The following STEAP1B variants were observed in gnomAD, a reference collection of about 807,000 sequenced individuals.
STEAP1B encodes STEAP family protein MGC87042.
STEAP1B carries 13 observed loss-of-function variants against 27.9 expected under a neutral mutation model. The ratio of observed to expected loss-of-function variants is 0.47; its 90% CI spans 0.30 to 0.74. STEAP1B has a LOEUF of 0.74. STEAP1B is among the 30% of genes least tolerant of loss of function. The pLI, the probability that STEAP1B is intolerant of heterozygous loss-of-function variation, is 0.06. For synonymous variants in STEAP1B, 86 were observed against 107.1 expected (o/e 0.80, Z 1.22); for missense variants, 250 against 298.7 (o/e 0.84, Z 1.20).
intron 4 of STEAP1B, among the ~76,000 whole-genome samples, chr7:22,477,201 C>T (rs1341146913): frequency 6.6e-6 from 1 of 152,196 alleles, no homozygotes; most frequent in Non-Finnish European, 1.5e-5. Context: ...AAGGGGGTGA[C>T]CCATTGGGTC....
intron 4 of STEAP1B, among the ~76,000 whole-genome samples, chr7:22,480,973 G>A (rs1562582313): frequency 1.3e-5 from 2 of 152,200 alleles, no homozygotes; most frequent in African/African-American, 4.8e-5. Flanking sequence ...CTGAGGTTAT[G>A]TTCATAATGG....
chr7:22,488,277 G>C (rs763605831), intron 4 of STEAP1B, among the ~76,000 whole-genome samples: 1 of 152,196 alleles, frequency 6.6e-6, no homozygotes, highest in Non-Finnish European at 1.5e-5. Flanking sequence ...TGTGGCAGAG[G>C]ATACCTTCCC....
rs548325655 is a variant in STEAP1B at position 22,435,579 on chromosome 7, C to T, written c.763-15743G>A. Among the ~76,000 whole-genome samples the T allele has an allele frequency of 2.0e-5, 3 of 152,278 alleles. No homozygotes were observed. In the South Asian group the frequency reaches 6.2e-4, roughly 32 times the overall value. On this transcript the variant is annotated intron_variant, in intron 4 of 4. Coordinates refer to ENST00000678116, the MANE Select transcript of STEAP1B (RefSeq NM_001382447.1). ...GTGGTTATTAAGAAGTCTATAGTAA[C>T]ATCAGTCTCCACCTTAAAGAATCTT...
chr7:22,427,631 C>T (rs1333773403), intron 4 of STEAP1B, among the ~76,000 whole-genome samples: 1 of 152,072 alleles, frequency 6.6e-6, no homozygotes, highest in African/African-American at 2.4e-5. Context: ...AGAAGAAAGA[C>T]TGAAAAACAG....
intron 4 of STEAP1B, among the ~76,000 whole-genome samples, chr7:22,485,979 A>G (rs1266080657): frequency 6.6e-6 from 1 of 152,202 alleles, no homozygotes. Flanking sequence ...ACACGTACAC[A>G]GCTATTAGTA....
intron 4 of STEAP1B, among the ~76,000 whole-genome samples, chr7:22,420,909 C>G (rs1334155294): frequency 6.6e-6 from 1 of 152,170 alleles, no homozygotes; most frequent in Non-Finnish European, 1.5e-5. Flanking sequence ...ATCCCAGACC[C>G]CACAGCAAAC....
chr7:22,496,137 A>G (rs111782273), intron 1 of STEAP1B, among the ~76,000 whole-genome samples: 3 of 152,076 alleles, frequency 2.0e-5, no homozygotes, highest in Non-Finnish European at 4.4e-5. Flanking sequence ...GGGTAGGCCT[A>G]GGCTAATGTG....
chr7:22,437,302 T>G (rs1009658726), intron 4 of STEAP1B, among the ~76,000 whole-genome samples: 4 of 152,234 alleles, frequency 2.6e-5, no homozygotes, highest in Non-Finnish European at 4.4e-5. Context: ...CTATTCTCTG[T>G]TTCTATGAGT....
At chr7:22,455,140 G>C (rs1414300095) in intron 4 of STEAP1B, among the ~76,000 whole-genome samples, 1 of 152,076 alleles carries the variant, frequency 6.6e-6, no homozygotes, top group African/African-American at 2.4e-5. Context: ...TGGGATTACA[G>C]GCGTGAGCCA....
At chr7:22,430,090 G>A (rs1373516473) in intron 4 of STEAP1B, among the ~76,000 whole-genome samples, 1 of 152,232 alleles carries the variant, frequency 6.6e-6, no homozygotes, top group Non-Finnish European at 1.5e-5. Context: ...TTGTGGATAT[G>A]TGGGCATGCA....
chr7:22,427,797 T>C (rs575001862), intron 4 of STEAP1B, among the ~76,000 whole-genome samples: 1 of 152,258 alleles, frequency 6.6e-6, no homozygotes, highest in East Asian at 1.9e-4. Flanking sequence ...GAAAAGAAAC[T>C]GGTAAAATTA....
chr7:22,443,851 A>T (rs192445877), intron 4 of STEAP1B, among the ~76,000 whole-genome samples: 20 of 152,284 alleles, frequency 1.3e-4, no homozygotes, highest in Middle Eastern at 3.4e-3. Flanking sequence ...TGACCTACAT[A>T]AAGTGCCACA....
chr7:22,489,818 G>A (rs1786287651), intron 4 of STEAP1B, among the ~76,000 whole-genome samples: 1 of 152,186 alleles, frequency 6.6e-6, no homozygotes, highest in African/African-American at 2.4e-5. Flanking sequence ...GTAGCTTGAT[G>A]GGAATGTCAT....
rs571021267 is a variant in STEAP1B, at chr7:22,423,809, G to C, written c.763-3973C>G. 2.0e-5 allele frequency among the ~76,000 whole-genome samples: 3 copies of C among 152,276 alleles called. No homozygotes were observed. In the South Asian group the frequency reaches 6.2e-4, roughly 32 times the overall value. On this transcript the variant is annotated intron_variant, in intron 4 of 4. Coordinates refer to ENST00000678116, the MANE Select transcript of STEAP1B (RefSeq NM_001382447.1). ...TTTGAGAGGCCAAGGCGGGCAAATCGCTTGAGTCCAGGAGTTCAAGACCAG... is the reference window on the plus strand; with the variant it reads ...TTTGAGAGGCCAAGGCGGGCAAATCCCTTGAGTCCAGGAGTTCAAGACCAG...
At position 22,484,961 on chromosome 7, in the gene STEAP1B, C is replaced by T. The variant is rs191575017; in HGVS notation, c.762+7604G>A. Among the ~76,000 whole-genome samples the T allele has an allele frequency of 6.0e-3, 913 of 152,306 alleles. 12 individuals are homozygous for T. The highest frequency in any genetic ancestry group is 0.01 in the Non-Finnish European group (709 of 68,012). ...ACAGCCTGAAGCTGTGACTGAGTTG[C>T]TGCAATTTCATGATAAAACTTGAAC... On this transcript the variant is annotated intron_variant, in intron 4 of 4. Coordinates refer to ENST00000678116, the MANE Select transcript of STEAP1B (RefSeq NM_001382447.1).
At chr7:22,421,316 C>A (rs1785039899) in intron 4 of STEAP1B, among the ~76,000 whole-genome samples, 1 of 152,172 alleles carries the variant, frequency 6.6e-6, no homozygotes, top group African/African-American at 2.4e-5. Flanking sequence ...GCAATGTCAT[C>A]ATTATTTGAA....
At chr7:22,486,383 C>T (rs1405858809) in intron 4 of STEAP1B, among the ~76,000 whole-genome samples, 1 of 152,160 alleles carries the variant, frequency 6.6e-6, no homozygotes, top group Non-Finnish European at 1.5e-5. Flanking sequence ...AGGCAGAATA[C>T]AGTTTAAGAG....
At chr7:22,453,699 T>C (rs947222040) in intron 4 of STEAP1B, among the ~76,000 whole-genome samples, 1 of 152,252 alleles carries the variant, frequency 6.6e-6, no homozygotes, top group East Asian at 1.9e-4. Flanking sequence ...TGTCCCTTCT[T>C]AGTCAATATA....
At chr7:22,439,207 G>A (rs1000045886) in intron 4 of STEAP1B, among the ~76,000 whole-genome samples, 1 of 152,190 alleles carries the variant, frequency 6.6e-6, no homozygotes, top group Non-Finnish European at 1.5e-5. Context: ...GCTGCAGAAG[G>A]TGTGTTTACA....
Sources: allele counts gnomAD v4.1 joint callset (sites outside exome capture counted in the v4.1 genomes callset), GRCh38; gene constraint gnomAD v4.1.1; transcripts MANE v1.5; gene names NCBI Gene and HGNC (gene_info 2026-07-23, HGNC 2026-07-21).